COL5A2: variants seen among roughly 807,000 people sequenced by gnomAD.
The protein encoded by COL5A2 is collagen type V alpha 2 chain, also known as collagen alpha-2(V) chain.
A neutral mutation model predicts 208.2 loss-of-function variants in COL5A2; 23 were observed. The ratio of observed to expected loss-of-function variants is 0.11; its 90% confidence interval spans 0.08 to 0.16. The LOEUF is 0.16. COL5A2 is among the 10% of genes least tolerant of loss of function. The pLI, the probability that COL5A2 is intolerant of heterozygous loss-of-function variation, is 1.00. For missense variants in COL5A2, 1,590 were observed against 1,956.4 expected, an observed-to-expected ratio of 0.81 and a Z score of 3.53; for synonymous variants, 625 against 628.5, an observed-to-expected ratio of 0.99 and a Z score of 0.08.
chr2:189,327,372 G>A, the COL5A2 span, among the ~76,000 whole-genome samples: 2 of 152,080 alleles, frequency 1.3e-5, no homozygotes, highest in Admixed American at 6.6e-5. Context: ...TTGGGCATGG[G>A]AATAGGAAAG....
chr2:189,299,015 G>T, the COL5A2 span, among the ~76,000 whole-genome samples: 1 of 151,990 alleles, frequency 6.6e-6, no homozygotes, highest in African/African-American at 2.4e-5. Context: ...TGATACAAAA[G>T]CAAAATTTAA....
the COL5A2 span, among the ~76,000 whole-genome samples, chr2:189,360,239 C>T: frequency 6.6e-6 from 1 of 152,006 alleles, no homozygotes; most frequent in Admixed American, 6.6e-5. Flanking sequence ...ACTGTATGCT[C>T]AGCACCTAGA....
chr2:189,250,786 G>A, the COL5A2 span, among the ~76,000 whole-genome samples: 3 of 152,026 alleles, frequency 2.0e-5, no homozygotes, highest in African/African-American at 7.2e-5. Flanking sequence ...CTACTTCTTT[G>A]AGAAAAGAAA....
the COL5A2 span, among the ~76,000 whole-genome samples, chr2:189,280,400 G>A: frequency 6.6e-6 from 1 of 152,042 alleles, no homozygotes; most frequent in African/African-American, 2.4e-5. Flanking sequence ...ACTCTTGTAG[G>A]TATAGGTGCT....
intron 1 of COL5A2, among the ~76,000 whole-genome samples, chr2:189,161,956 G>A (rs527943851): frequency 1.1e-3 from 160 of 152,284 alleles, no homozygotes; most frequent in African/African-American, 3.7e-3. Context: ...ACTTGATGGC[G>A]GACTTGAAAG....
At chr2:189,412,453 A>G in the COL5A2 span, among the ~76,000 whole-genome samples, 9 of 152,202 alleles carry the variant, frequency 5.9e-5, no homozygotes, top group Non-Finnish European at 1.0e-4. Flanking sequence ...AGACATTTAC[A>G]ATATTTTTTG....
At chr2:189,379,582 G>A in the COL5A2 span, among the ~76,000 whole-genome samples, 23 of 152,142 alleles carry the variant, frequency 1.5e-4, no homozygotes, top group Admixed American at 1.5e-3. Flanking sequence ...CTCAAGACAT[G>A]TTAGTGGAGT....
intron 1 of COL5A2, among the ~76,000 whole-genome samples, chr2:189,149,053 T>C (rs556861453): frequency 1.3e-5 from 2 of 152,284 alleles, no homozygotes; most frequent in African/African-American, 4.8e-5. Flanking sequence ...GGCAGGAGAA[T>C]GACTTGAACC....
rs979486002 is a variant in COL5A2 at position 189,035,069 on chromosome 2, G to A, written c.4200C>T (p.Asn1400=). The change falls in exon 53 of 54, where the codon AAC becomes AAT. Residue 1400 remains asparagine, a synonymous_variant. Coordinates refer to ENST00000374866, the MANE Select transcript of COL5A2 (RefSeq NM_000393.5). ...CACTGTTTTTACAGATGTAAGTGAT[G>A]TTCTGGGAGGCTTCTTTTGATAAAA... The part of the protein sequence containing the change: ...LRLLSKEASQ[N]ITYICKNSVG... The A allele has an allele frequency of 3.1e-6, 5 of 1,613,900 alleles. No individual in the cohort carries two copies. The highest frequency in any genetic ancestry group is 4.2e-6 in the Non-Finnish European group (5 of 1,179,892).
chr2:189,038,671 T>C (rs1685491331), intron 51 of COL5A2, among the ~76,000 whole-genome samples: 1 of 151,964 alleles, frequency 6.6e-6, no homozygotes, highest in Non-Finnish European at 1.5e-5. Context: ...TTCCCTTTTC[T>C]CCAAAGCCTT....
At chr2:189,334,890 A>G in the COL5A2 span, among the ~76,000 whole-genome samples, 1 of 152,034 alleles carries the variant, frequency 6.6e-6, no homozygotes, top group Non-Finnish European at 1.5e-5. Context: ...ACCTACCAAT[A>G]GAGCAGAATA....
At chr2:189,132,728 C>G (rs1296973663) in intron 1 of COL5A2, among the ~76,000 whole-genome samples, 1 of 152,054 alleles carries the variant, frequency 6.6e-6, no homozygotes, top group Non-Finnish European at 1.5e-5. Flanking sequence ...TGAGACCAGC[C>G]TGGCCAACAT....
At chr2:189,106,464 T>TA (rs752274024) in intron 2 of COL5A2, among the ~76,000 whole-genome samples, 1 of 151,370 alleles carries the variant, frequency 6.6e-6, no homozygotes, top group East Asian at 1.9e-4. Context: ...TCTCATGTCT[T>TA]ACTAAATTCT....
chr2:189,375,457 T>A, the COL5A2 span, among the ~76,000 whole-genome samples: 1 of 152,234 alleles, frequency 6.6e-6, no homozygotes, highest in African/African-American at 2.4e-5. Context: ...GGATTCTGTT[T>A]TCTCATCTTC....
Position 189,084,051 on chromosome 2 carries a change from A to C in COL5A2, c.799-14T>G. ...GCCAGGTTCACCCTTTATGGAAAAA[A>C]ATGTAGGAGATTGGGAAGGCAAAAG... On this transcript the variant is annotated splice_polypyrimidine_tract_variant and intron_variant, in intron 11 of 53. Transcript: ENST00000374866. 1 of 1,605,798 alleles carries C rather than the reference A, an allele frequency of 6.2e-7. No homozygotes were observed. Among genetic ancestry groups the C allele is most frequent in the Non-Finnish European group, 8.5e-7 (1 of 1,172,532 alleles).
intron 17 of COL5A2, among the ~76,000 whole-genome samples, chr2:189,074,269 A>T (rs1444700491): frequency 6.6e-6 from 1 of 151,990 alleles, no homozygotes; most frequent in Non-Finnish European, 1.5e-5. Context: ...AAACCCTTTA[A>T]ATGGGTAAGT....
chr2:189,147,450 C>G (rs2351627), intron 1 of COL5A2, among the ~76,000 whole-genome samples: 91,267 of 151,874 alleles, frequency 0.6, 28,639 homozygotes, highest in East Asian at 0.78. Context: ...GAATCTGTTA[C>G]AAAGGAGAGA....
intron 42 of COL5A2, 46 bp from the exon 43 acceptor site, chr2:189,050,722 C>T: frequency 6.8e-7 from 1 of 1,472,884 alleles, no homozygotes; most frequent in Non-Finnish European, 9.3e-7. Flanking sequence ...CAGGGTAAAA[C>T]TGTACCCAAG....
chr2:189,306,717 T>C, the COL5A2 span, among the ~76,000 whole-genome samples: 1 of 152,234 alleles, frequency 6.6e-6, no homozygotes, highest in African/African-American at 2.4e-5. Flanking sequence ...TTACTTGACA[T>C]TGCTTTTCAC....
Sources: allele counts gnomAD v4.1 joint callset (sites outside exome capture counted in the v4.1 genomes callset), GRCh38; gene constraint gnomAD v4.1.1; transcripts MANE v1.5; gene names NCBI Gene and HGNC (gene_info 2026-07-23, HGNC 2026-07-21).